The following UIMC1 variants were observed in gnomAD, a reference collection of about 807,000 sequenced individuals.
UIMC1 encodes BRCA1-A complex subunit RAP80.
In UIMC1, 42 loss-of-function variants were observed where a neutral mutation model predicts 84.9. That is an observed-to-expected ratio of 0.49 (90% CI 0.39 to 0.64). The LOEUF (loss-of-function observed/expected upper bound fraction) is 0.64. Ranked by LOEUF, UIMC1 falls within the 30% of genes least tolerant of loss-of-function variation. The pLI is 0.00. For synonymous variants in UIMC1, 281 were observed against 293.0 expected (o/e 0.96, Z 0.42); for missense variants, 825 against 847.6 (o/e 0.97, Z 0.33).
intron 10 of UIMC1, among the ~76,000 whole-genome samples, chr5:176,937,281 G>A (rs1221054810): frequency 6.6e-6 from 1 of 152,138 alleles, no homozygotes; most frequent in Non-Finnish European, 1.5e-5. Context: ...CAGATCATGA[G>A]TCAGGAGATC....
intron 1 of UIMC1, among the ~76,000 whole-genome samples, chr5:176,990,484 C>G (rs1286064706): frequency 6.6e-6 from 1 of 152,064 alleles, no homozygotes; most frequent in East Asian, 1.9e-4. Context: ...AGGTTAAAAA[C>G]CTATCAAGTT....
chr5:176,915,241 C>CTT (rs34866468), intron 10 of UIMC1, among the ~76,000 whole-genome samples: 3 of 139,250 alleles, frequency 2.2e-5, no homozygotes, highest in South Asian at 4.5e-4. Flanking sequence ...TATTTTGTTT[C>CTT]TTTTTTTTTT....
At position 176,923,781 on chromosome 5, in the gene UIMC1, T is replaced by C. The variant is rs758055382; in HGVS notation, c.1598-12392A>G. On this transcript the variant is annotated intron_variant, in intron 10 of 14. Coordinates refer to ENST00000511320, the MANE Select transcript of UIMC1 (RefSeq NM_001199298.2). ...CAGGAGGCTGAGGCAAGAGAATCGC[T>C]TGAACCCAGGAGACAGAGGTTGCAG... Among the ~76,000 whole-genome samples, 93 of 150,180 alleles carry C rather than the reference T, an allele frequency of 6.2e-4. 2 individuals carry two copies. Among genetic ancestry groups the C allele is most frequent in the Non-Finnish European group, 9.8e-4 (66 of 67,594 alleles).
At chr5:177,004,630 C>T (rs182159538) in intron 1 of UIMC1, among the ~76,000 whole-genome samples, 2 of 152,290 alleles carry the variant, frequency 1.3e-5, no homozygotes, top group Admixed American at 1.3e-4. Context: ...GATGCAGAAG[C>T]AGGACAGGTG....
chr5:176,928,568 G>C (rs1762676199), intron 10 of UIMC1, among the ~76,000 whole-genome samples: 1 of 152,182 alleles, frequency 6.6e-6, no homozygotes, highest in African/African-American at 2.4e-5. Context: ...TGTAAAACTT[G>C]TTTGGATCCT....
At chr5:176,985,701 C>T (rs1327496368) in intron 1 of UIMC1, among the ~76,000 whole-genome samples, 1 of 152,108 alleles carries the variant, frequency 6.6e-6, no homozygotes, top group Non-Finnish European at 1.5e-5. Flanking sequence ...TCCTCCTTGG[C>T]TCAAACAACC....
intron 3 of UIMC1, among the ~76,000 whole-genome samples, chr5:176,971,339 A>G (rs756519450): frequency 3.3e-5 from 5 of 152,248 alleles, no homozygotes; most frequent in Non-Finnish European, 7.3e-5. Flanking sequence ...TGTGGTCTCC[A>G]GACACCATTT....
intron 6 of UIMC1, among the ~76,000 whole-genome samples, chr5:176,965,189 AGGTG>A (rs1768088228): frequency 6.6e-6 from 1 of 152,186 alleles, no homozygotes; most frequent in Non-Finnish European, 1.5e-5. Flanking sequence ...TCGGAGGCCA[AGGTG>A]GGTGGATCAC....
intron 10 of UIMC1, among the ~76,000 whole-genome samples, chr5:176,917,188 G>A (rs912590714): frequency 4.6e-5 from 7 of 152,194 alleles, no homozygotes. Flanking sequence ...GGGAAGACGA[G>A]CTCCACCTGC....
At chr5:176,923,898 C>CAT (rs1762044579) in intron 10 of UIMC1, among the ~76,000 whole-genome samples, 3 of 126,698 alleles carry the variant, frequency 2.4e-5, no homozygotes, top group African/African-American at 1.2e-4. Flanking sequence ...TACACACACA[C>CAT]AGACACACAC....
intron 4 of UIMC1, 164 bp from the exon 5 acceptor site, chr5:176,969,870 CAA>C: frequency 1.6e-6 from 1 of 633,494 alleles, no homozygotes; most frequent in Non-Finnish European, 2.7e-6. Context: ...TGTCTATGTG[CAA>C]AGTGTTGTAC....
At chr5:176,920,932 T>A (rs1761627564) in intron 10 of UIMC1, among the ~76,000 whole-genome samples, 1 of 152,222 alleles carries the variant, frequency 6.6e-6, no homozygotes, top group Non-Finnish European at 1.5e-5. Context: ...ACGCCCTCTA[T>A]CAGGCTGAGG....
intron 1 of UIMC1, among the ~76,000 whole-genome samples, chr5:177,013,045 C>T (rs1775584954): frequency 6.6e-6 from 1 of 151,202 alleles, no homozygotes; most frequent in Non-Finnish European, 1.5e-5. Flanking sequence ...CTTACTATTG[C>T]ACTCTAGCCT....
At chr5:177,010,530 C>T (rs1328427834), upstream of UIMC1, among the ~76,000 whole-genome samples, 1 of 151,972 alleles carries the variant, frequency 6.6e-6, no homozygotes, top group African/African-American at 2.4e-5. Context: ...ATATAATAAA[C>T]ACATAATAGA....
chr5:176,943,311 T>C (rs372555749), intron 10 of UIMC1, 24 bp downstream of exon 10: 2 of 1,608,102 alleles, frequency 1.2e-6, no homozygotes, highest in Non-Finnish European at 8.5e-7. Context: ...AAGTAAGAGT[T>C]TGGCTGTCCT....
At chr5:176,922,696 G>A (rs1247474733) in intron 10 of UIMC1, among the ~76,000 whole-genome samples, 1 of 152,144 alleles carries the variant, frequency 6.6e-6, no homozygotes, top group African/African-American at 2.4e-5. Flanking sequence ...AAATTCTGAT[G>A]ACGTTTTTAG....
intron 1 of UIMC1, among the ~76,000 whole-genome samples, chr5:177,014,044 CT>C (rs980703422): frequency 5.5e-5 from 8 of 145,614 alleles, no homozygotes; most frequent in Non-Finnish European, 7.5e-5. Flanking sequence ...CAGTGAGCCA[CT>C]TTTTTTCTTT....
chr5:176,946,383 G>A (rs976729500), intron 9 of UIMC1, among the ~76,000 whole-genome samples: 1 of 151,972 alleles, frequency 6.6e-6, no homozygotes, highest in Non-Finnish European at 1.5e-5. Flanking sequence ...GTGGTGGCAC[G>A]CACCTATAAT....
intron 1 of UIMC1, among the ~76,000 whole-genome samples, chr5:177,004,171 T>A (rs1774948340): frequency 6.6e-6 from 1 of 152,118 alleles, no homozygotes; most frequent in Non-Finnish European, 1.5e-5. Flanking sequence ...ACAAAATATG[T>A]CTAATTTCTA....
Sources: allele counts gnomAD v4.1 joint callset (sites outside exome capture counted in the v4.1 genomes callset), GRCh38; gene constraint gnomAD v4.1.1; transcripts MANE v1.5; gene names NCBI Gene and HGNC (gene_info 2026-07-23, HGNC 2026-07-21).